Variants in CEP135 observed in about 807,000 individuals in gnomAD.
The protein encoded by CEP135 is centrosomal protein of 135 kDa.
Under a neutral mutation model 157.3 loss-of-function variants are expected in CEP135, and 142 were observed. The observed-to-expected ratio is 0.90, with a 90% CI of 0.79 to 1.04. CEP135 has a LOEUF of 1.04. CEP135 is among the 50% of genes least tolerant of loss of function. The pLI, the probability that CEP135 is intolerant of heterozygous loss-of-function variation, is 0.00. For missense variants in CEP135, 1,317 were observed against 1,309.2 expected, an observed-to-expected ratio of 1.01 and a Z score of -0.09; for synonymous variants, 396 against 439.8, an observed-to-expected ratio of 0.90 and a Z score of 1.25.
At chr4:56,007,469 A>G (rs907422371) in intron 17 of CEP135, among the ~76,000 whole-genome samples, 1 of 152,174 alleles carries the variant, frequency 6.6e-6, no homozygotes, top group African/African-American at 2.4e-5. Context: ...GTTGTTACTG[A>G]ACTACCACTC....
chr4:55,999,454 T>A (rs1730086868), intron 16 of CEP135, 37 bp downstream of exon 16: 2 of 1,613,132 alleles, frequency 1.2e-6, no homozygotes, highest in African/African-American at 2.7e-5. Flanking sequence ...CTAATCCTAA[T>A]GTACTTTGTC....
At position 55,969,113 on chromosome 4, in the gene CEP135, G is replaced by A. The variant is rs1468016841; in HGVS notation, c.1095G>A (p.Met365Ile). 1 of 1,612,480 alleles carries A rather than the reference G, an allele frequency of 6.2e-7. No individual in the cohort carries two copies. ...AAATGCAGGATCTTGAAGAAACAATGGCAAAACTTCAGCTGGTAAGTTGAT... is the reference window on the plus strand; with the variant it reads ...AAATGCAGGATCTTGAAGAAACAATAGCAAAACTTCAGCTGGTAAGTTGAT... ...LSEMQDLEET[M>I]AKLQLELNLC... is the part of the protein sequence containing the mutation. The change falls in exon 9 of 26, where the codon ATG (methionine) becomes ATA (isoleucine). Residue 365 changes from methionine (M) to isoleucine (I), a missense_variant. Transcript: ENST00000257287.
chr4:55,983,758 G>A (rs190484522), intron 13 of CEP135, among the ~76,000 whole-genome samples: 2 of 152,220 alleles, frequency 1.3e-5, no homozygotes, highest in Non-Finnish European at 2.9e-5. Flanking sequence ...CTGACCTCAG[G>A]TGGGGTCCAC....
chr4:55,950,360 T>C (rs79667496), intron 1 of CEP135, among the ~76,000 whole-genome samples: 315 of 152,348 alleles, frequency 2.1e-3, no homozygotes, highest in African/African-American at 7.3e-3. Flanking sequence ...TGTATGCTCA[T>C]GCATGTAATG....
chr4:55,992,773 G>A (rs567454660), intron 15 of CEP135, among the ~76,000 whole-genome samples: 1 of 152,278 alleles, frequency 6.6e-6, no homozygotes, highest in East Asian at 1.9e-4. Flanking sequence ...TGAGAAATAC[G>A]ATAAGTAGAA....
chr4:56,008,334 C>T lies in CEP135; in HGVS notation c.2288C>T (p.Ala763Val), dbSNP rs1293749825. ...TTTTTGTAATTTCTATAGGAAAAAG[C>T]TGTTGCTCAAATGAAGATAATGATC... ...LQENLANKEK[A>V]VAQMKIMISE... Residue 763 changes from alanine (A) to valine (V), a missense_variant, in exon 18 of 26, where the codon GCT becomes GTT. Coordinates refer to ENST00000257287, the MANE Select transcript of CEP135 (RefSeq NM_025009.5). 2 of 1,607,712 alleles carry T rather than the reference C, an allele frequency of 1.2e-6. No individual in the cohort carries two copies. Among genetic ancestry groups the T allele is most frequent in the Non-Finnish European group, 1.7e-6 (2 of 1,177,082 alleles).
At position 56,004,926 on chromosome 4, in the gene CEP135, A is replaced by T. The variant is rs868804452; in HGVS notation, c.2281-3401A>T. 4.1e-3 allele frequency among the ~76,000 whole-genome samples: 514 copies of T among 126,510 alleles called. 2 individuals are homozygous for T. Among genetic ancestry groups the T allele is most frequent in the African/African-American group, 0.012 (396 of 33,782 alleles). The allele number at this position is 126,510 out of a possible 152,430, so 83.0% of individuals were successfully genotyped here. ...TGATATGTAAGGACTTAATGCTGCC[A>T]TTTTTTTTTTTTTTTTTTGCTTCTT... is the stretch of plus-strand genomic sequence containing the variant. On this transcript the variant is annotated intron_variant, in intron 17 of 25. Transcript: ENST00000257287.
intron 8 of CEP135, among the ~76,000 whole-genome samples, chr4:55,967,599 A>T (rs564757610): frequency 1.8e-4 from 27 of 152,306 alleles, no homozygotes; most frequent in African/African-American, 6.3e-4. Flanking sequence ...CAGATTAAGG[A>T]TTCAGATGCT....
intron 24 of CEP135, among the ~76,000 whole-genome samples, chr4:56,023,941 G>T (rs186991250): frequency 7.3e-6 from 1 of 137,028 alleles, no homozygotes; most frequent in Non-Finnish European, 1.5e-5. Context: ...TAATTAAAAT[G>T]TACTATAAGA....
chr4:55,988,490 T>C (rs562670750), intron 14 of CEP135, among the ~76,000 whole-genome samples: 8 of 152,082 alleles, frequency 5.3e-5, no homozygotes, highest in South Asian at 2.1e-4. Flanking sequence ...TCAAACTCCA[T>C]CTCTACTAAA....
At chr4:56,017,049 T>A (rs1009947476) in intron 21 of CEP135, among the ~76,000 whole-genome samples, 1 of 152,170 alleles carries the variant, frequency 6.6e-6, no homozygotes, top group Non-Finnish European at 1.5e-5. Flanking sequence ...TATATCAGTT[T>A]GTATTTATTA....
chr4:55,955,610 G>C (rs187110479), intron 4 of CEP135, among the ~76,000 whole-genome samples: 32 of 152,310 alleles, frequency 2.1e-4, no homozygotes, highest in African/African-American at 7.0e-4. Context: ...AGGATAATCA[G>C]GTTTCCTGAG....
Position 56,011,932 on chromosome 4 carries a change from G to A in CEP135, c.2749G>A (p.Glu917Lys). Residue 917 changes from glutamate (E) to lysine (K), a missense_variant, in exon 21 of 26, where the codon GAG (glutamate) becomes AAG (lysine). By Grantham distance (56) the Glu-to-Lys change is moderately conservative (BLOSUM62 1). Coordinates refer to ENST00000257287, the MANE Select transcript of CEP135 (RefSeq NM_025009.5). ...ACTGGAACTTCTTTCTATTGACACT[G>A]AGAGGAGACATCTTCGAGAAAGAGT... ...VRLELLSIDT[E>K]RRHLRERVEL... 6.3e-7 allele frequency: 1 copy of A among 1,590,832 alleles called. No individual in the cohort carries two copies. The highest frequency in any genetic ancestry group is 8.5e-7 in the Non-Finnish European group (1 of 1,170,086).
At chr4:55,952,618 G>A (rs1033840730) in intron 2 of CEP135, 5 of 176,074 alleles carry the variant, frequency 2.8e-5, no homozygotes, top group Non-Finnish European at 4.8e-5. Flanking sequence ...ACAGGGATAC[G>A]TTCTGAGAAA....
chr4:55,975,371 T>G (rs1015362831), intron 11 of CEP135, among the ~76,000 whole-genome samples: 2 of 152,184 alleles, frequency 1.3e-5, no homozygotes, highest in Admixed American at 1.3e-4. Context: ...CTTGGACCAG[T>G]TAGGAAGGTG....
intron 3 of CEP135, among the ~76,000 whole-genome samples, chr4:55,953,988 C>T (rs1047813468): frequency 2.0e-5 from 3 of 152,162 alleles, no homozygotes; most frequent in Non-Finnish European, 2.9e-5. Context: ...CTATGATGTA[C>T]GTTAGGCTAA....
intron 6 of CEP135, among the ~76,000 whole-genome samples, chr4:55,962,587 G>A (rs903395896): frequency 1.3e-5 from 2 of 152,100 alleles, no homozygotes; most frequent in African/African-American, 2.4e-5. Flanking sequence ...AATTACATTA[G>A]TAACATTAAT....
At chr4:56,022,012 A>G (rs1372233416) in intron 24 of CEP135, among the ~76,000 whole-genome samples, 1 of 152,182 alleles carries the variant, frequency 6.6e-6, no homozygotes, top group East Asian at 1.9e-4. Flanking sequence ...CCTGAGTAAC[A>G]GTGAAACCCT....
Position 56,017,639 on chromosome 4 carries a change from T to C in CEP135, c.2803-9T>C. ...TTAACTTTTTACTTGTTTCTTTTTC[T>C]TTTTTCAGCACATAAATGCCCATCA... On this transcript the variant is annotated splice_polypyrimidine_tract_variant and intron_variant, in intron 21 of 25. Coordinates refer to ENST00000257287, the MANE Select transcript of CEP135 (RefSeq NM_025009.5). 1 of 1,557,888 alleles carries C rather than the reference T, an allele frequency of 6.4e-7. No homozygotes were observed. The highest frequency in any genetic ancestry group is 2.3e-5 in the East Asian group (1 of 43,852).
Sources: gnomAD v4.1 joint callset for allele counts (sites outside exome capture counted in the v4.1 genomes callset) on GRCh38, gnomAD v4.1.1 for gene constraint, MANE v1.5 for transcripts, NCBI Gene and HGNC (gene_info 2026-07-23, HGNC 2026-07-21) for gene names.